TSHZ2: variants seen among roughly 807,000 people sequenced by gnomAD.
TSHZ2 encodes the protein teashirt zinc finger homeobox 2.
TSHZ2 carries 21 observed loss-of-function variants against 74.4 expected under a neutral mutation model. The ratio of observed to expected loss-of-function variants is 0.28; its 90% CI spans 0.20 to 0.41. The LOEUF (loss-of-function observed/expected upper bound fraction) is 0.41, where lower values mean the gene tolerates loss of function less well. Among genes scored for constraint, TSHZ2 ranks in the 10% least tolerant of loss-of-function variants. The pLI is 1.00. For synonymous variants in TSHZ2, 540 were observed against 515.3 expected (o/e 1.05, Z -0.65); for missense variants, 1,244 against 1,293.5 (o/e 0.96, Z 0.59).
chr20:52,997,576 GA>G (rs11472038), intron 1 of TSHZ2, among the ~76,000 whole-genome samples: 1,651 of 149,800 alleles, frequency 0.011, 27 homozygotes, highest in African/African-American at 0.038. Flanking sequence ...CCTGATAAAA[GA>G]AAAAAAAAAT....
chr20:52,985,569 C>T (rs1042463571), intron 1 of TSHZ2, among the ~76,000 whole-genome samples: 2 of 152,166 alleles, frequency 1.3e-5, no homozygotes, highest in African/African-American at 2.4e-5. Flanking sequence ...TTGCATACAG[C>T]GAGTGCTCAA....
At chr20:53,486,856 A>C (rs1452584806) in intron 2 of TSHZ2, among the ~76,000 whole-genome samples, 5 of 152,070 alleles carry the variant, frequency 3.3e-5, no homozygotes, top group African/African-American at 4.8e-5. Context: ...CTCCCTCCCC[A>C]GCCCCAGTAG....
At chr20:53,274,160 C>T (rs1304587214) in intron 2 of TSHZ2, among the ~76,000 whole-genome samples, 4 of 152,184 alleles carry the variant, frequency 2.6e-5, no homozygotes, top group African/African-American at 7.2e-5. Flanking sequence ...ATCCCAGCTA[C>T]TCAGGAAGCT....
chr20:53,438,259 G>A (rs1056678108), intron 2 of TSHZ2, among the ~76,000 whole-genome samples: 12 of 151,714 alleles, frequency 7.9e-5, no homozygotes, highest in East Asian at 3.9e-4. Context: ...ACAGATGCCC[G>A]CCACGACACC....
chr20:53,419,041 T>C (rs1421577008), intron 2 of TSHZ2, among the ~76,000 whole-genome samples: 1 of 152,206 alleles, frequency 6.6e-6, no homozygotes, highest in Non-Finnish European at 1.5e-5. Context: ...CAGCTCTTGT[T>C]GGGTGAATTA....
chr20:53,467,919 T>G (rs553796998), intron 2 of TSHZ2, among the ~76,000 whole-genome samples: 1 of 152,280 alleles, frequency 6.6e-6, no homozygotes, highest in African/African-American at 2.4e-5. Flanking sequence ...GACATAACTT[T>G]TGTGACATAG....
At chr20:53,003,003 G>A (rs1286938097) in intron 1 of TSHZ2, among the ~76,000 whole-genome samples, 1 of 152,132 alleles carries the variant, frequency 6.6e-6, no homozygotes. Context: ...TAATGTAATG[G>A]ACAGCTCTAA....
chr20:53,346,534 T>C (rs1980446063), intron 2 of TSHZ2, among the ~76,000 whole-genome samples: 1 of 152,218 alleles, frequency 6.6e-6, no homozygotes, highest in African/African-American at 2.4e-5. Context: ...TTATTGTGGT[T>C]GTGAAGCTTT....
chr20:53,315,968 A>T (rs1978998389), intron 2 of TSHZ2, among the ~76,000 whole-genome samples: 1 of 152,140 alleles, frequency 6.6e-6, no homozygotes, highest in African/African-American at 2.4e-5. Context: ...GCCGAGGAGG[A>T]CATTCCAAGC....
At chr20:53,300,795 G>C (rs1991464047) in intron 2 of TSHZ2, among the ~76,000 whole-genome samples, 2 of 152,096 alleles carry the variant, frequency 1.3e-5, no homozygotes, top group Non-Finnish European at 2.9e-5. Flanking sequence ...AAATTTCTTT[G>C]GAACTTTGGA....
At position 53,111,866 on chromosome 20, in the gene TSHZ2, G is replaced by A. The variant is rs371668713; in HGVS notation, c.40+138533G>A. Among the ~76,000 whole-genome samples, 104 of 150,328 alleles carry A rather than the reference G, an allele frequency of 6.9e-4. 2 individuals are homozygous for A. The South Asian group carries it at 0.023, about 33-fold the overall frequency. On this transcript the variant is annotated intron_variant, in intron 1 of 2. Transcript: ENST00000371497. ...CCAGAGATTGCACGCTCTGGTACCT[G>A]ATGCAGAGCTTACAATCCTTGGGGG...
At position 53,486,415 on chromosome 20, in the gene TSHZ2, CT is replaced by C. The variant is rs1177393589; in HGVS notation, c.*9-724del. Among the ~76,000 whole-genome samples the C allele has an allele frequency of 1.2e-4, 18 of 152,134 alleles. No individual in the cohort carries two copies. The South Asian group carries it at 3.5e-3, about 30-fold the overall frequency. On this transcript the variant is annotated intron_variant, in intron 2 of 2. Transcript: ENST00000371497. ...AATATTTTTTTTCTTAAAGTTGCAACTTTTTGGCCAGTCTAGGTGGCTCAAG... is the reference window on the plus strand; with the variant it reads ...AATATTTTTTTTCTTAAAGTTGCAACTTTTGGCCAGTCTAGGTGGCTCAAG...
At chr20:53,133,969 GAA>G (rs3070080) in intron 1 of TSHZ2, among the ~76,000 whole-genome samples, 9 of 127,912 alleles carry the variant, frequency 7.0e-5, no homozygotes, top group Middle Eastern at 4.2e-3. Flanking sequence ...CATTTTTTCT[GAA>G]AAAAAAAAAA....
intron 1 of TSHZ2, among the ~76,000 whole-genome samples, chr20:53,031,638 G>A (rs1983642615): frequency 6.6e-6 from 1 of 152,206 alleles, no homozygotes; most frequent in Non-Finnish European, 1.5e-5. Context: ...ATAGAGGGTT[G>A]AGGAGCTTCA....
At chr20:53,241,269 G>T (rs1347849693) in intron 1 of TSHZ2, among the ~76,000 whole-genome samples, 1 of 152,074 alleles carries the variant, frequency 6.6e-6, no homozygotes, top group Non-Finnish European at 1.5e-5. Context: ...CAGAATTTTG[G>T]TCTTTTCCAA....
At chr20:53,190,137 A>ATATATATATTTT (rs1568803538) in intron 1 of TSHZ2, among the ~76,000 whole-genome samples, 1 of 90,498 alleles carries the variant, frequency 1.1e-5, no homozygotes, top group Non-Finnish European at 2.2e-5. Context: ...ATATATATAT[A>ATATATATATTTT]TTTTCTTAAA....
intron 1 of TSHZ2, among the ~76,000 whole-genome samples, chr20:53,226,656 G>A (rs781329646): frequency 1.3e-5 from 2 of 152,110 alleles, no homozygotes; most frequent in Admixed American, 6.5e-5. Flanking sequence ...TGTTCAAATG[G>A]TGTATTTAGA....
rs545131561 is a variant in TSHZ2 at position 53,281,829 on chromosome 20, C to T, written c.*8+25258C>T. 5.9e-5 allele frequency among the ~76,000 whole-genome samples: 9 copies of T among 152,312 alleles called. No homozygotes were observed. In the South Asian group the frequency reaches 1.7e-3, roughly 28 times the overall value. The stretch of plus-strand genomic sequence containing the variant: ...AGTTCCACCTGTCTGTAAGCAAGGG[C>T]TGGGCTACCTTGGCTAATGACTGAT... On this transcript the variant is annotated intron_variant, in intron 2 of 2. Coordinates refer to ENST00000371497, the MANE Select transcript of TSHZ2 (RefSeq NM_173485.6).
At chr20:53,236,240 G>T (rs191887576) in intron 1 of TSHZ2, among the ~76,000 whole-genome samples, 2 of 152,098 alleles carry the variant, frequency 1.3e-5, no homozygotes, top group Admixed American at 6.5e-5. Context: ...ATTTACAAAG[G>T]TTAAGTCTTT....
Sources: allele counts gnomAD v4.1 joint callset (sites outside exome capture counted in the v4.1 genomes callset), GRCh38; gene constraint gnomAD v4.1.1; transcripts MANE v1.5; gene names NCBI Gene and HGNC (gene_info 2026-07-23, HGNC 2026-07-21).